The following LEKR1 variants were observed in gnomAD, a reference collection of about 807,000 sequenced individuals.
LEKR1 encodes protein LEKR1.
Under a neutral mutation model 72.4 loss-of-function variants are expected in LEKR1, and 59 were observed. The ratio of observed to expected loss-of-function variants is 0.82; its 90% confidence interval spans 0.66 to 1.01. LEKR1 has a LOEUF of 1.01. LEKR1 is among the 50% of genes least tolerant of loss of function. LEKR1 has a pLI of 0.00. For synonymous variants in LEKR1, 257 were observed against 263.2 expected, an observed-to-expected ratio of 0.98 and a Z score of 0.23; for missense variants, 728 against 759.2, an observed-to-expected ratio of 0.96 and a Z score of 0.48.
intron 5 of LEKR1, among the ~76,000 whole-genome samples, chr3:156,940,879 C>G (rs999831014): frequency 6.6e-6 from 1 of 152,066 alleles, no homozygotes; most frequent in South Asian, 2.1e-4. Flanking sequence ...GGTGACACCA[C>G]GTGTGTGGTG....
intron 12 of LEKR1, among the ~76,000 whole-genome samples, chr3:157,032,752 A>T (rs1734704311): frequency 6.6e-6 from 1 of 152,190 alleles, no homozygotes; most frequent in Non-Finnish European, 1.5e-5. Context: ...TGGAGAAACT[A>T]GATGCAGGCA....
chr3:156,846,081 A>G (rs1051289906), intron 2 of LEKR1, among the ~76,000 whole-genome samples: 2 of 152,052 alleles, frequency 1.3e-5, no homozygotes, highest in Non-Finnish European at 2.9e-5. Context: ...AGTTGTAAAT[A>G]TATATATATG....
At chr3:156,870,497 A>G (rs1345199400) in intron 3 of LEKR1, among the ~76,000 whole-genome samples, 1 of 152,020 alleles carries the variant, frequency 6.6e-6, no homozygotes, top group Non-Finnish European at 1.5e-5. Context: ...CTAATCCATT[A>G]TTGGTATATA....
chr3:156,887,308 G>A (rs1720205990), intron 3 of LEKR1, among the ~76,000 whole-genome samples: 1 of 151,856 alleles, frequency 6.6e-6, no homozygotes. Context: ...TGCCTTCTTG[G>A]TGGGCCCTTG....
chr3:156,957,483 A>T (rs1426957197), intron 6 of LEKR1, among the ~76,000 whole-genome samples: 1 of 151,946 alleles, frequency 6.6e-6, no homozygotes, highest in African/African-American at 2.4e-5. Flanking sequence ...AGAAAAAAAA[A>T]ATCACCCAAC....
chr3:156,934,807 A>G (rs1725549057), intron 5 of LEKR1, among the ~76,000 whole-genome samples: 1 of 151,350 alleles, frequency 6.6e-6, no homozygotes, highest in African/African-American at 2.4e-5. Context: ...TTCTGTGCAT[A>G]TATATATATA....
intron 2 of LEKR1, among the ~76,000 whole-genome samples, chr3:156,839,038 C>T (rs1044538799): frequency 1.3e-5 from 2 of 152,034 alleles, no homozygotes; most frequent in African/African-American, 4.8e-5. Context: ...AAAAAGGACA[C>T]AAAATGCATT....
chr3:156,913,707 C>G (rs991793526), intron 3 of LEKR1, among the ~76,000 whole-genome samples: 1 of 152,120 alleles, frequency 6.6e-6, no homozygotes, highest in African/African-American at 2.4e-5. Flanking sequence ...AGTGCTTTCC[C>G]TTAATTCCCA....
intron 12 of LEKR1, among the ~76,000 whole-genome samples, chr3:157,040,499 A>G (rs935076917): frequency 2.6e-5 from 4 of 152,222 alleles, no homozygotes; most frequent in African/African-American, 9.6e-5. Flanking sequence ...CCAAAAGGCC[A>G]TTTCCACTAA....
rs190864469 is a variant in LEKR1, at chr3:156,968,314, A to G, written c.746-10880A>G. 6.6e-5 allele frequency among the ~76,000 whole-genome samples: 10 copies of G among 152,346 alleles called. No individual in the cohort carries two copies. The East Asian group carries it at 1.9e-3, about 29-fold the overall frequency. ...TGTAAATGGACTAAATGTTCCAATTAAAAGACACAGACTGGCAAATTGGAT... is the reference window on the plus strand; with the variant it reads ...TGTAAATGGACTAAATGTTCCAATTGAAAGACACAGACTGGCAAATTGGAT... On this transcript the variant is annotated intron_variant, in intron 6 of 12. Coordinates refer to ENST00000356539, the MANE Select transcript of LEKR1 (RefSeq NM_001004316.3).
chr3:156,836,395 C>T (rs1221908111), intron 2 of LEKR1, among the ~76,000 whole-genome samples: 1 of 150,732 alleles, frequency 6.6e-6, no homozygotes, highest in Non-Finnish European at 1.5e-5. Context: ...ACAATTCAGC[C>T]AACCAAGAAG....
chr3:156,934,989 T>A (rs1310583040), intron 5 of LEKR1, among the ~76,000 whole-genome samples: 1 of 152,206 alleles, frequency 6.6e-6, no homozygotes, highest in East Asian at 1.9e-4. Context: ...TCTTTATACA[T>A]GCATCTTTAG....
intron 2 of LEKR1, among the ~76,000 whole-genome samples, chr3:156,832,082 T>C (rs1712488329): frequency 6.6e-6 from 1 of 152,162 alleles, no homozygotes; most frequent in Admixed American, 6.5e-5. Context: ...GAAACTGTCT[T>C]GTAATTGTTG....
At chr3:156,866,942 G>A (rs994937255) in intron 3 of LEKR1, among the ~76,000 whole-genome samples, 3 of 152,032 alleles carry the variant, frequency 2.0e-5, no homozygotes, top group African/African-American at 7.2e-5. Context: ...GTTGATTGAG[G>A]TTTGAAAAGG....
Position 156,986,560 on chromosome 3 carries a change from G to A in LEKR1, c.828-6093G>A, listed in dbSNP as rs575244280. 3.9e-5 allele frequency among the ~76,000 whole-genome samples: 6 copies of A among 152,270 alleles called. No individual in the cohort carries two copies. The South Asian group carries it at 6.2e-4, about 16-fold the overall frequency. On this transcript the variant is annotated intron_variant, in intron 7 of 12. Coordinates refer to ENST00000356539, the MANE Select transcript of LEKR1 (RefSeq NM_001004316.3). ...GGAAGTGAAACGAAAGAATAAAGAC[G>A]GGCTTGATCCTTTTTGCATCAGGGT...
chr3:156,939,685 A>G (rs1426774135), intron 5 of LEKR1, among the ~76,000 whole-genome samples: 1 of 152,214 alleles, frequency 6.6e-6, no homozygotes, highest in Non-Finnish European at 1.5e-5. Flanking sequence ...CTAGCAAATG[A>G]ATATCACTTT....
chr3:156,887,620 TA>T (rs1314721785), intron 3 of LEKR1, among the ~76,000 whole-genome samples: 2 of 151,896 alleles, frequency 1.3e-5, no homozygotes, highest in Non-Finnish European at 2.9e-5. Context: ...AGTTCCCTGG[TA>T]ATTGCTCAGG....
At chr3:156,892,039 G>A (rs996349164) in intron 3 of LEKR1, among the ~76,000 whole-genome samples, 1 of 151,446 alleles carries the variant, frequency 6.6e-6, no homozygotes, top group Non-Finnish European at 1.5e-5. Context: ...CCCCCGCCCC[G>A]CTACCAAAAA....
chr3:156,953,083 A>G (rs990955362), intron 6 of LEKR1, among the ~76,000 whole-genome samples: 7 of 151,422 alleles, frequency 4.6e-5, no homozygotes, highest in Admixed American at 2.6e-4. Flanking sequence ...GGAGATATAT[A>G]TACAAGAAAC....
Sources: gnomAD v4.1 joint callset for allele counts (sites outside exome capture counted in the v4.1 genomes callset) on GRCh38, gnomAD v4.1.1 for gene constraint, MANE v1.5 for transcripts, NCBI Gene and HGNC (gene_info 2026-07-23, HGNC 2026-07-21) for gene names.